PEX7: variants seen among roughly 807,000 people sequenced by gnomAD.
The protein encoded by PEX7 is PTS2 receptor.
A neutral mutation model predicts 47.5 loss-of-function variants in PEX7; 34 were observed. The observed-to-expected ratio is 0.72, with a 90% CI of 0.54 to 0.95. PEX7 has a LOEUF of 0.95. Among genes scored for constraint, PEX7 ranks in the 40% least tolerant of loss-of-function variants. The probability of loss-of-function intolerance (pLI) is 0.00; values close to 1 mark genes in which losing one functional copy is unlikely to be tolerated. For synonymous variants in PEX7, 141 were observed against 148.8 expected, an observed-to-expected ratio of 0.95 and a Z score of 0.38; for missense variants, 394 against 400.3, an observed-to-expected ratio of 0.98 and a Z score of 0.13.
At chr6:136,907,849 GTATT>G (rs1372836083) in intron 9 of PEX7, among the ~76,000 whole-genome samples, 3 of 152,078 alleles carry the variant, frequency 2.0e-5, no homozygotes, top group Admixed American at 2.0e-4. Context: ...TTAAAGTGTT[GTATT>G]TCCATTTTAA....
chr6:136,858,177 G>T (rs1159955666), intron 5 of PEX7, among the ~76,000 whole-genome samples: 2 of 152,178 alleles, frequency 1.3e-5, no homozygotes, highest in African/African-American at 4.8e-5. Flanking sequence ...TGTATAAATG[G>T]ATTCCTGAGC....
intron 9 of PEX7, among the ~76,000 whole-genome samples, chr6:136,905,859 G>T (rs1020856818): frequency 2.0e-5 from 3 of 152,088 alleles, no homozygotes; most frequent in Non-Finnish European, 4.4e-5. Context: ...GCATTTCGGG[G>T]CCATACTAGA....
intron 3 of PEX7, among the ~76,000 whole-genome samples, chr6:136,843,347 C>T (rs539866062): frequency 3.3e-5 from 5 of 152,308 alleles, no homozygotes; most frequent in Non-Finnish European, 1.5e-5. Flanking sequence ...TTATTTTTGA[C>T]TGTTTACATC....
At chr6:136,840,227 C>T (rs1774470217) in intron 3 of PEX7, among the ~76,000 whole-genome samples, 1 of 152,158 alleles carries the variant, frequency 6.6e-6, no homozygotes, top group South Asian at 2.1e-4. Flanking sequence ...CACATATTCA[C>T]CATCTAGCTT....
At chr6:136,869,058 G>A (rs1026906381) in intron 6 of PEX7, among the ~76,000 whole-genome samples, 1 of 151,918 alleles carries the variant, frequency 6.6e-6, no homozygotes, top group Non-Finnish European at 1.5e-5. Flanking sequence ...GCCTTTTAAT[G>A]CCTGGAAAAA....
chr6:136,837,837 C>T (rs1407982257), intron 3 of PEX7, among the ~76,000 whole-genome samples: 2 of 151,990 alleles, frequency 1.3e-5, no homozygotes, highest in African/African-American at 4.8e-5. Context: ...CACACACACA[C>T]ACACACACGT....
intron 8 of PEX7, among the ~76,000 whole-genome samples, chr6:136,884,365 A>G (rs1775430735): frequency 6.6e-6 from 1 of 152,198 alleles, no homozygotes; most frequent in Non-Finnish European, 1.5e-5. Context: ...AACAAGAAGA[A>G]AAAGATTTCA....
chr6:136,839,089 G>A (rs1774447131), intron 3 of PEX7, among the ~76,000 whole-genome samples: 1 of 152,142 alleles, frequency 6.6e-6, no homozygotes, highest in South Asian at 2.1e-4. Context: ...GTTGAGGTGG[G>A]AGGATCAATT....
chr6:136,870,596 A>C (rs1322352294), intron 7 of PEX7: 1 of 211,232 alleles, frequency 4.7e-6, no homozygotes, highest in Non-Finnish European at 9.7e-6. Context: ...CATCTTATTA[A>C]GTGACATCTC....
At chr6:136,854,177 T>A (rs1277524332) in intron 5 of PEX7, among the ~76,000 whole-genome samples, 1 of 152,148 alleles carries the variant, frequency 6.6e-6, no homozygotes, top group African/African-American at 2.4e-5. Flanking sequence ...CATGTATAAC[T>A]TGAGTTAATC....
At chr6:136,838,372 A>G (rs938951484) in intron 3 of PEX7, among the ~76,000 whole-genome samples, 15 of 152,246 alleles carry the variant, frequency 9.9e-5, no homozygotes, top group African/African-American at 3.1e-4. Flanking sequence ...CCAGAAGGCA[A>G]GACATTCTAC....
At chr6:136,909,163 A>G (rs1237242921) in intron 9 of PEX7, among the ~76,000 whole-genome samples, 1 of 152,218 alleles carries the variant, frequency 6.6e-6, no homozygotes, top group Non-Finnish European at 1.5e-5. Context: ...GAGGTTCTTA[A>G]TAAGTCTTTG....
At chr6:136,902,069 G>A (rs1775762041) in intron 9 of PEX7, among the ~76,000 whole-genome samples, 1 of 152,234 alleles carries the variant, frequency 6.6e-6, no homozygotes, top group African/African-American at 2.4e-5. Flanking sequence ...ACAGGCGTGA[G>A]CCACTGCGCC....
chr6:136,887,158 A>G (rs1238192994), intron 8 of PEX7, among the ~76,000 whole-genome samples: 1 of 152,194 alleles, frequency 6.6e-6, no homozygotes, highest in Non-Finnish European at 1.5e-5. Flanking sequence ...CATTTGTTGA[A>G]AAAATTATTT....
Position 136,913,835 on chromosome 6 carries a change from T to C in PEX7, c.*309T>C, listed in dbSNP as rs931356470. The C allele has an allele frequency of 3.3e-5, 9 of 271,230 alleles. No homozygotes were observed. Among genetic ancestry groups the C allele is most frequent in the Non-Finnish European group, 5.6e-5 (8 of 142,984 alleles). The allele number at this position is 271,230 out of a possible 1,614,324, so 16.8% of individuals were successfully genotyped here. ...ATGGGAGATCAGTAGGTTATACTTA[T>C]ATAGATAGTGATATATTTCATTTTT... On this transcript the variant is annotated 3_prime_UTR_variant, in exon 10 of 10. Transcript: ENST00000318471.
chr6:136,866,564 A>G (rs955749334), intron 5 of PEX7, 63 bp from the exon 6 acceptor site: 2 of 1,330,030 alleles, frequency 1.5e-6, no homozygotes, highest in Admixed American at 1.7e-5. Flanking sequence ...TATTGTGAAC[A>G]CATTATGTCA....
chr6:136,826,807 G>C (rs1182551372), intron 3 of PEX7, among the ~76,000 whole-genome samples: 1 of 152,026 alleles, frequency 6.6e-6, no homozygotes, highest in Non-Finnish European at 1.5e-5. Context: ...AGAGGTAGGT[G>C]GACTTTTCAC....
At chr6:136,913,369 G>C in intron 9 of PEX7, 89 bp from the exon 10 acceptor site, 1 of 861,410 alleles carries the variant, frequency 1.2e-6, no homozygotes, top group Non-Finnish European at 2.0e-6. Context: ...GATGATTTAC[G>C]ACACTCTAAA....
At chr6:136,898,336 T>G (rs1025450650) in intron 9 of PEX7, 95 bp downstream of exon 9, 2 of 809,136 alleles carry the variant, frequency 2.5e-6, no homozygotes, top group Non-Finnish European at 4.4e-6. Flanking sequence ...TTGTTGCCAT[T>G]TTAGCTATAT....
Sources: gnomAD v4.1 joint callset for allele counts (sites outside exome capture counted in the v4.1 genomes callset) on GRCh38, gnomAD v4.1.1 for gene constraint, MANE v1.5 for transcripts, NCBI Gene and HGNC (gene_info 2026-07-23, HGNC 2026-07-21) for gene names.